Variants in IL11 observed in about 807,000 individuals in gnomAD.
The protein encoded by IL11 is interleukin 11, also known as interleukin-11.
Under a neutral mutation model 18.1 loss-of-function variants are expected in IL11, and 17 were observed. The ratio of observed to expected loss-of-function variants is 0.94; its 90% CI spans 0.64 to 1.41. The LOEUF (loss-of-function observed/expected upper bound fraction) is 1.41. Among genes scored for constraint, IL11 ranks in the 40% most tolerant of loss-of-function variants. IL11 has a pLI of 0.00. For synonymous variants in IL11, 144 were observed against 134.1 expected, an observed-to-expected ratio of 1.07 and a Z score of -0.51; for missense variants, 309 against 262.8, an observed-to-expected ratio of 1.18 and a Z score of -1.22.
chr19:55,370,237 C>G, intron 1 of IL11, 67 bp downstream of exon 1: 2 of 1,250,312 alleles, frequency 1.6e-6, no homozygotes, highest in Non-Finnish European at 2.3e-6. Flanking sequence ...TCTGCTCCCA[C>G]CCCCGCCGTG....
At chr19:55,370,283 C>A in intron 1 of IL11, 21 bp downstream of exon 1, 1 of 1,493,216 alleles carries the variant, frequency 6.7e-7, no homozygotes, top group Non-Finnish European at 9.0e-7. Context: ...TCCCCTCCAC[C>A]CTCCCCATGA....
Position 55,364,803 on chromosome 19 carries a change from C to G in IL11, c.*1204G>C, listed in dbSNP as rs2089775128. The G allele has an allele frequency of 6.6e-6, 1 of 152,178 alleles. No homozygotes were observed. The highest frequency in any genetic ancestry group is 2.1e-4 in the South Asian group (1 of 4,830). The allele number at this position is 152,178 out of a possible 1,614,324, so 9.4% of individuals were successfully genotyped here. A position where few individuals can be genotyped will look rare whatever the true frequency, so the allele number is the denominator to read the frequency against. ...GCCTGGCCAATGTCAGGATATCTTT[C>G]TATATCCCAAGCAAGCCTCTCTCCT... On this transcript the variant is annotated 3_prime_UTR_variant, in exon 5 of 5. Coordinates refer to ENST00000264563, the MANE Select transcript of IL11 (RefSeq NM_000641.4).
rs928329258 is a variant in IL11 at position 55,369,767 on chromosome 19, C to T, written c.7+537G>A. Among the ~76,000 whole-genome samples the T allele has an allele frequency of 3.0e-4, 45 of 149,178 alleles. No individual in the cohort carries two copies. Among genetic ancestry groups the T allele is most frequent in the African/African-American group, 1.1e-3 (43 of 40,940 alleles). On this transcript the variant is annotated intron_variant, in intron 1 of 4. Transcript: ENST00000264563. This position sits in a 1 kb window ranked among gnomAD's most constrained non-coding sequence, Gnocchi z 6.1. Reference sequence around the variant, plus strand: ...GCACACCCCCAGCCCGCCCCCCGGGCCCGCCAGCCGTCGGTCTGTCCGCGC... The same window carrying T: ...GCACACCCCCAGCCCGCCCCCCGGGTCCGCCAGCCGTCGGTCTGTCCGCGC...
chr19:55,369,207 G>A lies in IL11; in HGVS notation c.8-266C>T. 1 of 319,656 alleles carries A rather than the reference G, an allele frequency of 3.1e-6. No individual in the cohort carries two copies. Among genetic ancestry groups the A allele is most frequent in the African/African-American group, 2.1e-5 (1 of 47,104 alleles). The allele number at this position is 319,656 out of a possible 1,614,324, so 19.8% of individuals were successfully genotyped here. A position where few individuals can be genotyped will look rare whatever the true frequency, so the allele number is the denominator to read the frequency against. On this transcript the variant is annotated intron_variant, in intron 1 of 4. Transcript: ENST00000264563. The surrounding 1 kb of genome is among the most constrained non-coding windows in gnomAD (Gnocchi z 6.1). ...GCTGGAGGTCTTAAGTCCCAGGGTG[G>A]AACGCCCGCGGGCAGGTCGCAGGGC...
chr19:55,367,254 G>T (rs574590928), intron 4 of IL11, among the ~76,000 whole-genome samples: 1 of 151,948 alleles, frequency 6.6e-6, no homozygotes, highest in African/African-American at 2.4e-5. Context: ...CAGGGTTTTC[G>T]ATGTTGGGAG....
At position 55,366,537 on chromosome 19, in the gene IL11, G is replaced by A. The variant is rs546395980; in HGVS notation, c.430-360C>T. Among the ~76,000 whole-genome samples the A allele has an allele frequency of 2.0e-5, 3 of 152,208 alleles. No homozygotes were observed. The highest frequency in any genetic ancestry group is 4.8e-5 in the African/African-American group (2 of 41,524). ...TGTTAGAACAATTAAGAAGCCAGGC[G>A]CGGGGGCTCACGCCTGTTATCCCAG... On this transcript the variant is annotated intron_variant, in intron 4 of 4. Transcript: ENST00000264563. This position sits in a 1 kb window ranked among gnomAD's most constrained non-coding sequence, Gnocchi z 4.6.
chr19:55,370,274 C>T (rs1346607004), intron 1 of IL11, 30 bp downstream of exon 1: 2 of 1,484,634 alleles, frequency 1.3e-6, no homozygotes, highest in South Asian at 2.5e-5. Flanking sequence ...GCCTCCCTGT[C>T]CCCTCCACCC....
chr19:55,368,488 G>C lies in IL11; in HGVS notation c.262C>G (p.Leu88Val). 5 of 1,610,314 alleles carry C rather than the reference G, an allele frequency of 3.1e-6. No homozygotes were observed. Among genetic ancestry groups the C allele is most frequent in the Non-Finnish European group, 3.4e-6 (4 of 1,178,062 alleles). Residue 88 changes from leucine (L) to valine (V), a missense_variant, in exon 3 of 5, where the codon CTA becomes GTA. Transcript: ENST00000264563. Reference sequence around the variant, plus strand: ...GCCCACTCCCTTGCCCTTACCTGTAGAGCTCCCAGTGCCCCCGCACTCATG... The same window carrying C: ...GCCCACTCCCTTGCCCTTACCTGTACAGCTCCCAGTGCCCCCGCACTCATG... ...LAMSAGALGA[L>V]QLPGVLTRLR...
chr19:55,368,131 G>A (rs1489868179), intron 4 of IL11, 79 bp downstream of exon 4: 32 of 1,306,362 alleles, frequency 2.4e-5, no homozygotes, highest in Non-Finnish European at 3.2e-5. Flanking sequence ...TGGGGTCTCA[G>A]GCTTCAAGGA....
Position 55,368,213 on chromosome 19 carries a change from G to C in IL11, c.426C>G (p.Leu142=). 1.3e-6 allele frequency: 2 copies of C among 1,531,070 alleles called. No homozygotes were observed. The highest frequency in any genetic ancestry group is 1.8e-6 in the Non-Finnish European group (2 of 1,135,048). 94.8% of individuals were successfully genotyped at this position (1,531,070 alleles called of 1,614,324 possible). ...AGGTCTTGGGGCCAGGACATACCAG[G>C]AGCTGCAGCCGGCGCAGCAGCCGGT... ...RLDRLLRRLQ[L]LMSRLALPQP... The change falls in exon 4 of 5, where the codon CTC becomes CTG. Residue 142 remains leucine (L), a synonymous_variant. Transcript: ENST00000264563.
rs1236585697 is a variant in IL11 at position 55,366,389 on chromosome 19, G to C, written c.430-212C>G. Among the ~76,000 whole-genome samples, 10 of 152,050 alleles carry C rather than the reference G, an allele frequency of 6.6e-5. No individual in the cohort carries two copies. The highest frequency in any genetic ancestry group is 3.9e-4 in the Admixed American group (6 of 15,250). ...ACGGGCTTCCAGAGCTGAGTGTGGGGGTTGGGGGTGAAGTCTGTGGAGTCA... is the reference window on the plus strand; with the variant it reads ...ACGGGCTTCCAGAGCTGAGTGTGGGCGTTGGGGGTGAAGTCTGTGGAGTCA... On this transcript the variant is annotated intron_variant, in intron 4 of 4. Coordinates refer to ENST00000264563, the MANE Select transcript of IL11 (RefSeq NM_000641.4). This position sits in a 1 kb window ranked among gnomAD's most constrained non-coding sequence, Gnocchi z 4.6.
chr19:55,366,506 G>C lies in IL11; in HGVS notation c.430-329C>G, dbSNP rs7250912. Among the ~76,000 whole-genome samples, 151,828 of 152,070 alleles carry C rather than the reference G, an allele frequency of 1. 75,797 individuals carry two copies. Among genetic ancestry groups the C allele is most frequent in the Middle Eastern group, 1 (294 of 294 alleles). On this transcript the variant is annotated intron_variant, in intron 4 of 4. Transcript: ENST00000264563. This position sits in a 1 kb window ranked among gnomAD's most constrained non-coding sequence, Gnocchi z 4.6. ...CTCAGAGCTGGGTTTTTGTTGTTGT[G>C]GCTGCTGTTAGAACAATTAAGAAGC...
In IL11 at chr19:55,365,968, T is replaced by C; in HGVS notation, c.*39A>G. 1.3e-6 allele frequency: 2 copies of C among 1,561,812 alleles called. No homozygotes were observed. Among genetic ancestry groups the C allele is most frequent in the Non-Finnish European group, 8.7e-7 (1 of 1,154,396 alleles). On this transcript the variant is annotated 3_prime_UTR_variant, in exon 5 of 5. Coordinates refer to ENST00000264563, the MANE Select transcript of IL11 (RefSeq NM_000641.4). ...TACTGAAATAAATAAATAAATAAGATCTGGCTTTGGAAGGACGGTGGTGGC... is the reference window on the plus strand; with the variant it reads ...TACTGAAATAAATAAATAAATAAGACCTGGCTTTGGAAGGACGGTGGTGGC...
intron 1 of IL11, 27 bp downstream of exon 1, chr19:55,370,277 C>T (rs2089814399): frequency 1.3e-6 from 2 of 1,494,220 alleles, no homozygotes; most frequent in South Asian, 2.5e-5. Context: ...TCCCTGTCCC[C>T]TCCACCCTCC....
At position 55,366,284 on chromosome 19, in the gene IL11, G is replaced by A. The variant is rs1053493550; in HGVS notation, c.430-107C>T. 4 of 1,221,438 alleles carry A rather than the reference G, an allele frequency of 3.3e-6. No homozygotes were observed. Among genetic ancestry groups the A allele is most frequent in the South Asian group, 1.6e-5 (1 of 61,392 alleles). The allele number at this position is 1,221,438 out of a possible 1,614,324, so 75.7% of individuals were successfully genotyped here. A position where few individuals can be genotyped will look rare whatever the true frequency, so the allele number is the denominator to read the frequency against. On this transcript the variant is annotated intron_variant, in intron 4 of 4. Transcript: ENST00000264563. The surrounding 1 kb of genome is among the most constrained non-coding windows in gnomAD (Gnocchi z 4.6). Reference sequence around the variant, plus strand: ...AATCGGGGCTGCATATTCACAGGGGGACTGTGGCGCGTGGGGTGAAGTGTT... The same window carrying A: ...AATCGGGGCTGCATATTCACAGGGGAACTGTGGCGCGTGGGGTGAAGTGTT...
At chr19:55,370,176 C>A in intron 1 of IL11, 128 bp downstream of exon 1, 1 of 731,738 alleles carries the variant, frequency 1.4e-6, no homozygotes, top group African/African-American at 1.8e-5. Flanking sequence ...CGAAGCTGCT[C>A]TCCTCCCCGG....
In IL11 at chr19:55,370,343, G is replaced by A. The variant is rs2089815050; in HGVS notation, c.-33C>T. ...CAGGGCCAGGGGTTCCCCAGGGCAG[G>A]GGGCAGGGAGCCGGGGGCCTTTAAC... On this transcript the variant is annotated 5_prime_UTR_variant, in exon 1 of 5. Coordinates refer to ENST00000264563, the MANE Select transcript of IL11 (RefSeq NM_000641.4). 1.4e-6 allele frequency: 2 copies of A among 1,409,372 alleles called. No homozygotes were observed. Among genetic ancestry groups the A allele is most frequent in the Admixed American group, 2.9e-5 (1 of 33,972 alleles). 87.3% of individuals were successfully genotyped at this position (1,409,372 alleles called of 1,614,324 possible).
In IL11 at chr19:55,365,715, G is replaced by C. The variant is rs1569031102; in HGVS notation, c.*292C>G. ...TATATGTTCCTGCCCAGGCCTAGAT[G>C]GGGAAGAGCCAGGGCAGAAGTCTGT... On this transcript the variant is annotated 3_prime_UTR_variant, in exon 5 of 5. Coordinates refer to ENST00000264563, the MANE Select transcript of IL11 (RefSeq NM_000641.4). 1 of 445,156 alleles carries C rather than the reference G, an allele frequency of 2.2e-6. No individual in the cohort carries two copies. The highest frequency in any genetic ancestry group is 4.0e-6 in the Non-Finnish European group (1 of 252,876). 27.6% of individuals were successfully genotyped at this position (445,156 alleles called of 1,614,324 possible).
At chr19:55,367,353 G>T (rs2089791685) in intron 4 of IL11, among the ~76,000 whole-genome samples, 1 of 151,520 alleles carries the variant, frequency 6.6e-6, no homozygotes, top group African/African-American at 2.4e-5. Context: ...TTGGGTCAAG[G>T]TCTTGTATCT....
Sources: allele counts gnomAD v4.1 joint callset (sites outside exome capture counted in the v4.1 genomes callset), GRCh38; gene constraint gnomAD v4.1.1; non-coding constraint Gnocchi (gnomAD v3.1); transcripts MANE v1.5; gene names NCBI Gene and HGNC (gene_info 2026-07-23, HGNC 2026-07-21).